ZNF354A: variants seen among roughly 807,000 people sequenced by gnomAD.
ZNF354A encodes the protein epididymis luminal protein 104.
ZNF354A carries 25 observed loss-of-function variants against 53.3 expected under a neutral mutation model. That is an observed-to-expected ratio of 0.47 (90% CI 0.34 to 0.66). The LOEUF (loss-of-function observed/expected upper bound fraction) is 0.66, where lower values mean the gene tolerates loss of function less well. Among genes scored for constraint, ZNF354A ranks in the 30% least tolerant of loss-of-function variants. ZNF354A has a pLI of 0.01. For synonymous variants in ZNF354A, 228 were observed against 249.0 expected, an observed-to-expected ratio of 0.92 and a Z score of 0.79; for missense variants, 586 against 716.8, an observed-to-expected ratio of 0.82 and a Z score of 2.08.
Position 178,720,853 on chromosome 5 carries a change from C to G in ZNF354A, c.256+4523G>C, listed in dbSNP as rs1047850741. On this transcript the variant is annotated intron_variant, in intron 4 of 4. Transcript: ENST00000335815. ...ACACCACTGCTTGCAGTTACTTTTG[C>G]CCCTAGAATACCTACACTAATAAGT... 1.4e-4 allele frequency among the ~76,000 whole-genome samples: 13 copies of G among 90,216 alleles called. No individual in the cohort carries two copies. The South Asian group carries it at 4.4e-3, about 31-fold the overall frequency. 59.2% of individuals were successfully genotyped at this position (90,216 alleles called of 152,430 possible).
rs1278049676 is a variant in ZNF354A, at chr5:178,711,765, T to C, written c.*295A>G. On this transcript the variant is annotated 3_prime_UTR_variant, in exon 5 of 5. Transcript: ENST00000335815. ...ATCTGTTTCTGATGATCACGTGACA[T>C]CTAGCATATACGTCTGTAGGAAAAG... 8.2e-6 allele frequency: 2 copies of C among 245,388 alleles called. No homozygotes were observed. Among genetic ancestry groups the C allele is most frequent in the Non-Finnish European group, 7.9e-6 (1 of 127,162 alleles). 15.2% of individuals were successfully genotyped at this position (245,388 alleles called of 1,614,324 possible).
intron 4 of ZNF354A, among the ~76,000 whole-genome samples, chr5:178,718,976 T>G (rs1356311514): frequency 2.6e-5 from 4 of 152,230 alleles, no homozygotes; most frequent in African/African-American, 9.6e-5. Flanking sequence ...ATCACTAAAA[T>G]GTCTCTAATA....
At position 178,730,345 on chromosome 5, in the gene ZNF354A, C is replaced by G. The variant is rs772815061; in HGVS notation, c.-52+211G>C. On this transcript the variant is annotated intron_variant, in intron 1 of 4. Coordinates refer to ENST00000335815, the MANE Select transcript of ZNF354A (RefSeq NM_005649.3). ...CGGGCCCGGGAGGAAACGCCAGGCC[C>G]GGCGTCCACGGCGAGCCGGACGCGG... is the stretch of plus-strand genomic sequence containing the variant. 1.3e-3 allele frequency among the ~76,000 whole-genome samples: 191 copies of G among 152,164 alleles called. 1 individual carries two copies. Among genetic ancestry groups the G allele is most frequent in the Non-Finnish European group, 1.6e-3 (107 of 67,966 alleles).
In ZNF354A at chr5:178,713,128, G is replaced by A. The variant is rs149049991; in HGVS notation, c.750C>T (p.Ala250=). 5.6e-6 allele frequency: 9 copies of A among 1,613,986 alleles called. No homozygotes were observed. Among genetic ancestry groups the A allele is most frequent in the Non-Finnish European group, 7.6e-6 (9 of 1,180,014 alleles). Reference sequence around the variant, plus strand: ...GAATAAGAGCTGAACTTTGGCTAAAGGCTTTTGAACATTCTTTACACTTAA... The same window carrying A: ...GAATAAGAGCTGAACTTTGGCTAAAAGCTTTTGAACATTCTTTACACTTAA... ...KLFKCKECSK[A]FSQSSALIQH... The change falls in exon 5 of 5, where the codon GCC becomes GCT. Residue 250 remains alanine (A), a synonymous_variant. Transcript: ENST00000335815.
intron 4 of ZNF354A, among the ~76,000 whole-genome samples, chr5:178,724,153 GC>G (rs1209608481): frequency 6.6e-6 from 1 of 151,336 alleles, no homozygotes; most frequent in Non-Finnish European, 1.5e-5. Context: ...CGAACTCACG[GC>G]AAGTGCCTTC....
At position 178,712,901 on chromosome 5, in the gene ZNF354A, C is replaced by G. The variant is rs1244236459; in HGVS notation, c.977G>C (p.Cys326Ser). 11 of 1,613,948 alleles carry G rather than the reference C, an allele frequency of 6.8e-6. No individual in the cohort carries two copies. The highest frequency in any genetic ancestry group is 9.3e-6 in the Non-Finnish European group (11 of 1,180,014). The change falls in exon 5 of 5, where the codon TGT becomes TCT. Residue 326 changes from cysteine to serine, a missense_variant. Coordinates refer to ENST00000335815, the MANE Select transcript of ZNF354A (RefSeq NM_005649.3). ...TGCCTTCCTACCCGGATTATACTTACAAGGGTTTTCTTCAGCATGAATTTT... is the reference window on the plus strand; with the variant it reads ...TGCCTTCCTACCCGGATTATACTTAGAAGGGTTTTCTTCAGCATGAATTTT... ...HQKIHAEENP[C>S]KYNPGRKASS...
At chr5:178,726,252 AAAAG>A (rs1176544747) in intron 3 of ZNF354A, 4 of 456,094 alleles carry the variant, frequency 8.8e-6, no homozygotes, top group Non-Finnish European at 1.8e-5. Flanking sequence ...GTGGGAAAAA[AAAAG>A]AGAAATATGT....
chr5:178,726,581 T>C (rs1190444310), intron 3 of ZNF354A, among the ~76,000 whole-genome samples: 2 of 152,168 alleles, frequency 1.3e-5, no homozygotes, highest in African/African-American at 4.8e-5. Flanking sequence ...ATTACAGGTG[T>C]GAGCCACCAT....
rs187126422 is a variant in ZNF354A at position 178,720,791 on chromosome 5, A to G, written c.256+4585T>C. Among the ~76,000 whole-genome samples the G allele has an allele frequency of 9.2e-5, 14 of 152,324 alleles. No homozygotes were observed. The East Asian group carries it at 2.7e-3, about 29-fold the overall frequency. ...ACAGCAAAATCATTTCATCTGTAAA[A>G]ACATCAAAACCGCTCTTAGCACATC... On this transcript the variant is annotated intron_variant, in intron 4 of 4. Coordinates refer to ENST00000335815, the MANE Select transcript of ZNF354A (RefSeq NM_005649.3).
intron 4 of ZNF354A, among the ~76,000 whole-genome samples, chr5:178,722,922 C>T (rs1003049654): frequency 5.5e-4 from 84 of 152,220 alleles, no homozygotes; most frequent in Non-Finnish European, 3.1e-4. Context: ...AGGAAGTGAG[C>T]GAGCCACATG....
At chr5:178,720,687 G>C (rs1765797433) in intron 4 of ZNF354A, among the ~76,000 whole-genome samples, 1 of 152,192 alleles carries the variant, frequency 6.6e-6, no homozygotes, top group African/African-American at 2.4e-5. Context: ...GAAGCTTGTG[G>C]TACTTCAGTA....
intron 4 of ZNF354A, among the ~76,000 whole-genome samples, chr5:178,716,466 T>A (rs1032239389): frequency 6.6e-6 from 1 of 152,210 alleles, no homozygotes; most frequent in African/African-American, 2.4e-5. Context: ...GGCAGCATCC[T>A]TTCCATTCAC....
chr5:178,722,317 G>A (rs943838608), intron 4 of ZNF354A, among the ~76,000 whole-genome samples: 4 of 152,256 alleles, frequency 2.6e-5, no homozygotes, highest in African/African-American at 4.8e-5. Flanking sequence ...ACTGTACTCC[G>A]AAATCAACAC....
chr5:178,723,016 T>C (rs1765839703), intron 4 of ZNF354A, among the ~76,000 whole-genome samples: 1 of 152,068 alleles, frequency 6.6e-6, no homozygotes, highest in Admixed American at 6.5e-5. Context: ...GCGCCCCCCA[T>C]GACACACTGC....
At position 178,711,844 on chromosome 5, in the gene ZNF354A, ATTC is replaced by A. The variant is rs1239788626; in HGVS notation, c.*213_*215del. ...CTAAAGTCAATGTCTTCAATTGTAA[ATTC>A]TTCATCTCAGGTTATTTTTTTAAGT... is the stretch of plus-strand genomic sequence containing the variant. On this transcript the variant is annotated 3_prime_UTR_variant, in exon 5 of 5. Transcript: ENST00000335815. 1 of 496,594 alleles carries A rather than the reference ATTC, an allele frequency of 2.0e-6. No homozygotes were observed. The highest frequency in any genetic ancestry group is 3.3e-6 in the Non-Finnish European group (1 of 302,828). The allele number at this position is 496,594 out of a possible 1,614,324, so 30.8% of individuals were successfully genotyped here.
chr5:178,727,141 G>T lies in ZNF354A; in HGVS notation c.34-16C>A. ...TCAGTGACACCTGTAAGGACAAGTCGTTCCAGCTCACCCAGGACCACCCTC... is the reference window on the plus strand; with the variant it reads ...TCAGTGACACCTGTAAGGACAAGTCTTTCCAGCTCACCCAGGACCACCCTC... On this transcript the variant is annotated splice_polypyrimidine_tract_variant and intron_variant, in intron 2 of 4. Coordinates refer to ENST00000335815, the MANE Select transcript of ZNF354A (RefSeq NM_005649.3). 6.2e-7 allele frequency: 1 copy of T among 1,607,440 alleles called. No individual in the cohort carries two copies. Among genetic ancestry groups the T allele is most frequent in the Non-Finnish European group, 8.5e-7 (1 of 1,176,574 alleles).
rs540403030 is a variant in ZNF354A, at chr5:178,723,455, T to C, written c.256+1921A>G. Among the ~76,000 whole-genome samples, 241 of 152,332 alleles carry C rather than the reference T, an allele frequency of 1.6e-3. 1 individual carries two copies. The highest frequency in any genetic ancestry group is 5.5e-3 in the African/African-American group (230 of 41,590). On this transcript the variant is annotated intron_variant, in intron 4 of 4. Coordinates refer to ENST00000335815, the MANE Select transcript of ZNF354A (RefSeq NM_005649.3). Reference sequence around the variant, plus strand: ...CTGTGACAGGGCCCGTGGCTCTCTCTCGGGTGCTCCACCTTCTCCTCGCTG... The same window carrying C: ...CTGTGACAGGGCCCGTGGCTCTCTCCCGGGTGCTCCACCTTCTCCTCGCTG...
At chr5:178,727,612 T>C (rs1765936047) in intron 2 of ZNF354A, among the ~76,000 whole-genome samples, 1 of 152,218 alleles carries the variant, frequency 6.6e-6, no homozygotes, top group South Asian at 2.1e-4. Context: ...TTAAGGATAG[T>C]AATGACGAAA....
At chr5:178,725,346 G>C (rs1765884724) in intron 4 of ZNF354A, 30 bp downstream of exon 4, 1 of 1,602,266 alleles carries the variant, frequency 6.2e-7, no homozygotes, top group Admixed American at 1.7e-5. Context: ...ATTGTCTGCG[G>C]CCATTCCGCA....
Sources: gnomAD v4.1 joint callset for allele counts (sites outside exome capture counted in the v4.1 genomes callset) on GRCh38, gnomAD v4.1.1 for gene constraint, MANE v1.5 for transcripts, NCBI Gene and HGNC (gene_info 2026-07-23, HGNC 2026-07-21) for gene names.